Variants in IQSEC3 observed in about 807,000 individuals in gnomAD.
IQSEC3 encodes IQ motif and Sec7 domain ArfGEF 3, also known as IQ motif and SEC7 domain-containing protein 3.
Under a neutral mutation model 105.4 loss-of-function variants are expected in IQSEC3, and 50 were observed. That is an observed-to-expected ratio of 0.47 (90% confidence interval 0.38 to 0.60). IQSEC3 has a LOEUF of 0.60. Ranked by LOEUF, IQSEC3 falls within the 20% of genes least tolerant of loss-of-function variation. The pLI, the probability that IQSEC3 is intolerant of heterozygous loss-of-function variation, is 0.00. For synonymous variants in IQSEC3, 708 were observed against 746.0 expected (o/e 0.95, Z 0.83); for missense variants, 1,415 against 1,630.0 (o/e 0.87, Z 2.27).
At chr12:125,560 T>A in intron 2 of IQSEC3, 73 bp from the exon 3 acceptor site, 1 of 1,392,796 alleles carries the variant, frequency 7.2e-7, no homozygotes, top group Non-Finnish European at 9.3e-7. Flanking sequence ...CTAGCTTCTC[T>A]CCCCGACCCC....
intron 8 of IQSEC3, among the ~76,000 whole-genome samples, chr12:163,039 G>C (rs899519813): frequency 6.6e-6 from 1 of 152,064 alleles, no homozygotes; most frequent in Non-Finnish European, 1.5e-5. Flanking sequence ...GCATGACAGG[G>C]ATGAGCCCTG....
intron 6 of IQSEC3, 147 bp downstream of exon 6, chr12:157,294 G>T (rs1591737837): frequency 7.7e-7 from 1 of 1,294,090 alleles, no homozygotes; most frequent in Non-Finnish European, 1.0e-6. Context: ...AGGATGGCTG[G>T]GGAGAAACAA....
Position 134,854 on chromosome 12 carries a change from G to A in IQSEC3, c.904-3413G>A, listed in dbSNP as rs79448952. ...AGAAATGTGAAATCTGGCCGGGCAC[G>A]GTGGCTCACGCCTGTAATCCCAGCA... On this transcript the variant is annotated intron_variant, in intron 3 of 13. Transcript: ENST00000538872. 3.1e-3 allele frequency among the ~76,000 whole-genome samples: 399 copies of A among 129,990 alleles called. 1 individual carries two copies. Among genetic ancestry groups the A allele is most frequent in the Middle Eastern group, 0.012 (2 of 168 alleles). 85.3% of individuals were successfully genotyped at this position (129,990 alleles called of 152,430 possible). A position where few individuals can be genotyped will look rare whatever the true frequency, so the allele number is the denominator to read the frequency against.
rs765025777 is a variant in IQSEC3, at chr12:113,115, A to C, written c.624-12518A>C. On this transcript the variant is annotated intron_variant, in intron 2 of 13. Coordinates refer to ENST00000538872, the MANE Select transcript of IQSEC3 (RefSeq NM_001170738.2). The stretch of plus-strand genomic sequence containing the variant: ...GCCTGGCCCCCACTTCCTTCCCTCC[A>C]TGCTGGCAGCTCTTAGCGTTTATCC... 1.2e-3 allele frequency among the ~76,000 whole-genome samples: 182 copies of C among 152,180 alleles called. 2 individuals are homozygous for C. Among genetic ancestry groups the C allele is most frequent in the Non-Finnish European group, 1.4e-3 (97 of 68,004 alleles).
Position 138,474 on chromosome 12 carries a change from A to G in IQSEC3, c.1111A>G (p.Met371Val), listed in dbSNP as rs1555087232. 4 of 1,598,950 alleles carry G rather than the reference A, an allele frequency of 2.5e-6. No individual in the cohort carries two copies. Among genetic ancestry groups the G allele is most frequent in the Non-Finnish European group, 2.5e-6 (3 of 1,177,764 alleles). Reference sequence around the variant, plus strand: ...GAGCCTGGCGGCCGAGAAAGCGCTCATGGAGGGCTACGGCCTCGTGGGGCT... The same window carrying G: ...GAGCCTGGCGGCCGAGAAAGCGCTCGTGGAGGGCTACGGCCTCGTGGGGCT... ...AESLAAEKAL[M>V]EGYGLVGLPL... Residue 371 changes from methionine (M) to valine (V), a missense_variant, in exon 4 of 14, where the codon ATG becomes GTG. By Grantham distance (21) the Met-to-Val change is conservative. Around this residue, in one of 6 missense-constraint regions of IQSEC3, gnomAD observed 720 missense variants for 633.0 expected, o/e 1.14. Transcript: ENST00000538872. The surrounding 1 kb of genome is among the most constrained non-coding windows in gnomAD (Gnocchi z 7.1).
In IQSEC3 at chr12:157,609, C is replaced by T; in HGVS notation, c.2358C>T (p.Ile786=). The T allele has an allele frequency of 3.1e-6, 5 of 1,614,252 alleles. No individual in the cohort carries two copies. Among genetic ancestry groups the T allele is most frequent in the Non-Finnish European group, 4.2e-6 (5 of 1,180,040 alleles). Residue 786 remains isoleucine, a synonymous_variant, in exon 7 of 14, where the codon ATC becomes ATT. Coordinates refer to ENST00000538872, the MANE Select transcript of IQSEC3 (RefSeq NM_001170738.2). ...CCATCTTCATCCTCGCCTTCGCCAT[C>T]ATCCTCCTCAACACCGACATGTACA... The part of the protein sequence containing the change: ...PDTIFILAFA[I]ILLNTDMYSP...
At chr12:169,170 G>C in intron 12 of IQSEC3, 65 bp downstream of exon 12, 1 of 1,358,190 alleles carries the variant, frequency 7.4e-7, no homozygotes, top group Non-Finnish European at 1.0e-6. Context: ...CTGGGTGTGG[G>C]TCCTGGGCAA....
chr12:69,841 G>C lies in IQSEC3; in HGVS notation c.554+2405G>C, dbSNP rs367725823. ...CTACCCTGCTCTCTGCCCGTGGCCC[G>C]TTTTGTATGTTTGTTCTCCTCTGCC... On this transcript the variant is annotated intron_variant, in intron 1 of 13. Coordinates refer to ENST00000538872, the MANE Select transcript of IQSEC3 (RefSeq NM_001170738.2). 1.5e-3 allele frequency among the ~76,000 whole-genome samples: 234 copies of C among 152,362 alleles called. 1 individual carries two copies. Among genetic ancestry groups the C allele is most frequent in the African/African-American group, 5.0e-3 (209 of 41,564 alleles).
chr12:147,809 G>C (rs1555091467), intron 5 of IQSEC3: 1 of 152,218 alleles, frequency 6.6e-6, no homozygotes, highest in East Asian at 1.9e-4. Context: ...AGAAAGCACA[G>C]CTGAGAAACT....
intron 5 of IQSEC3, among the ~76,000 whole-genome samples, chr12:153,364 G>A (rs1392841091): frequency 3.9e-5 from 6 of 152,132 alleles, no homozygotes; most frequent in Non-Finnish European, 7.4e-5. Context: ...GCTGCTGCGG[G>A]TCGTCTGCCC....
chr12:76,367 C>T (rs1231127023), intron 1 of IQSEC3, among the ~76,000 whole-genome samples: 1 of 152,242 alleles, frequency 6.6e-6, no homozygotes, highest in African/African-American at 2.4e-5. Flanking sequence ...CGTTTGTGGA[C>T]CTGAGTGGGC....
intron 1 of IQSEC3, among the ~76,000 whole-genome samples, chr12:90,049 G>A (rs1452976845): frequency 6.6e-6 from 1 of 152,240 alleles, no homozygotes; most frequent in East Asian, 1.9e-4. Context: ...GTGTATGAGA[G>A]TTCCAGGTGC....
chr12:97,875 C>T (rs532136007), intron 1 of IQSEC3, among the ~76,000 whole-genome samples: 33 of 152,330 alleles, frequency 2.2e-4, no homozygotes, highest in South Asian at 1.0e-3. Context: ...CACTTCCTGT[C>T]TACACTCTCA....
intron 2 of IQSEC3, among the ~76,000 whole-genome samples, chr12:117,425 T>G (rs1304868692): frequency 2.0e-5 from 3 of 152,232 alleles, no homozygotes; most frequent in Non-Finnish European, 4.4e-5. Context: ...CACTCGCCAG[T>G]ATGGCCCAGC....
intron 2 of IQSEC3, among the ~76,000 whole-genome samples, chr12:101,026 C>G (rs1555076026): frequency 6.6e-6 from 1 of 152,218 alleles, no homozygotes; most frequent in Non-Finnish European, 1.5e-5. Context: ...ATCAATTCAA[C>G]TCAATTCAGT....
chr12:157,099 G>C lies in IQSEC3; in HGVS notation c.2228G>C (p.Arg743Pro), dbSNP rs145520553. ...CTGCGCAAGTTCCAGGCACACATCCGTGTGCAGGGGGAGGCTCAGAAGGTG... is the reference window on the plus strand; with the variant it reads ...CTGCGCAAGTTCCAGGCACACATCCCTGTGCAGGGGGAGGCTCAGAAGGTG... ...EALRKFQAHI[R>P]VQGEAQKVER... Residue 743 changes from arginine (R) to proline (P), a missense_variant, in exon 6 of 14, where the codon CGT becomes CCT. By Grantham distance (103) the Arg-to-Pro change is moderately radical (BLOSUM62 -2). Coordinates refer to ENST00000538872, the MANE Select transcript of IQSEC3 (RefSeq NM_001170738.2). 1 of 1,602,846 alleles carries C rather than the reference G, an allele frequency of 6.2e-7. No homozygotes were observed. The highest frequency in any genetic ancestry group is 8.5e-7 in the Non-Finnish European group (1 of 1,174,556).
intron 3 of IQSEC3, among the ~76,000 whole-genome samples, chr12:136,384 A>G (rs782582531): frequency 8.5e-5 from 13 of 152,080 alleles, no homozygotes; most frequent in Non-Finnish European, 2.9e-5. Flanking sequence ...CTAAGAGGCT[A>G]CCTCTGCTAG....
At position 176,023 on chromosome 12, in the gene IQSEC3, G is replaced by A. The variant is rs1421597991; in HGVS notation, c.*990G>A. ...CCCGAGGCAGGGCTCCCTCCTGCAT[G>A]AGTCTGTGGCCTCCAGGAGGGACTT... On this transcript the variant is annotated 3_prime_UTR_variant, in exon 14 of 14. Transcript: ENST00000538872. The surrounding 1 kb of genome is among the most constrained non-coding windows in gnomAD (Gnocchi z 4.0). 1 of 151,414 alleles carries A rather than the reference G, an allele frequency of 6.6e-6. No homozygotes were observed. Among genetic ancestry groups the A allele is most frequent in the East Asian group, 1.9e-4 (1 of 5,186 alleles). 9.4% of individuals were successfully genotyped at this position (151,414 alleles called of 1,614,324 possible). A position where few individuals can be genotyped will look rare whatever the true frequency, so the allele number is the denominator to read the frequency against.
At chr12:147,408 A>G (rs937648625) in intron 5 of IQSEC3, among the ~76,000 whole-genome samples, 11 of 152,320 alleles carry the variant, frequency 7.2e-5, no homozygotes, top group African/African-American at 2.6e-4. Context: ...GCTAATCTGT[A>G]CCCAATGAAG....
Sources: allele counts gnomAD v4.1 joint callset (sites outside exome capture counted in the v4.1 genomes callset), GRCh38; gene constraint gnomAD v4.1.1; regional missense constraint gnomAD v4.1.1; non-coding constraint Gnocchi (gnomAD v3.1); transcripts MANE v1.5; gene names NCBI Gene and HGNC (gene_info 2026-07-23, HGNC 2026-07-21).